The following NFX1 variants were observed in gnomAD, a reference collection of about 807,000 sequenced individuals.
NFX1 encodes the protein transcriptional repressor NF-X1.
In NFX1, 69 loss-of-function variants were observed where a neutral mutation model predicts 137.2. The ratio of observed to expected loss-of-function variants is 0.50; its 90% CI spans 0.41 to 0.61. The LOEUF (loss-of-function observed/expected upper bound fraction) is 0.61. NFX1 is among the 20% of genes least tolerant of loss of function. The probability of loss-of-function intolerance (pLI) is 0.00; values close to 1 mark genes in which losing one functional copy is unlikely to be tolerated. For synonymous variants in NFX1, 495 were observed against 474.1 expected, an observed-to-expected ratio of 1.04 and a Z score of -0.57; for missense variants, 1,167 against 1,391.0, an observed-to-expected ratio of 0.84 and a Z score of 2.56.
intron 7 of NFX1, among the ~76,000 whole-genome samples, chr9:33,318,001 A>AAC (rs397765712): frequency 6.7e-6 from 1 of 149,658 alleles, no homozygotes; most frequent in East Asian, 1.9e-4. Flanking sequence ...AAAAAAAAAA[A>AAC]TCTTCATTAT....
intron 12 of NFX1, among the ~76,000 whole-genome samples, chr9:33,341,094 A>T (rs745582055): frequency 1.3e-5 from 2 of 152,156 alleles, no homozygotes; most frequent in Non-Finnish European, 2.9e-5. Context: ...TGCTGGTACC[A>T]GTTTACTGTA....
rs1823322623 is a variant in NFX1, at chr9:33,344,053, C to T, written c.2225-16C>T. On this transcript the variant is annotated splice_polypyrimidine_tract_variant and intron_variant, in intron 13 of 23. Transcript: ENST00000379540. ...ACTCAGAAAGGATTCTTTTGTTTTACCTGCTGCTCCACCAGGTTTTGATGA... is the reference window on the plus strand; with the variant it reads ...ACTCAGAAAGGATTCTTTTGTTTTATCTGCTGCTCCACCAGGTTTTGATGA... The T allele has an allele frequency of 1.9e-6, 3 of 1,613,550 alleles. No individual in the cohort carries two copies. Among genetic ancestry groups the T allele is most frequent in the Non-Finnish European group, 2.5e-6 (3 of 1,179,662 alleles).
Position 33,290,560 on chromosome 9 carries a change from TC to T in NFX1, c.-12del. ...CTTGGCTGTACAGCTCGATCTAGGT[TC>T]TGCGGCACGGGATGGCGGAGGCGCC... On this transcript the variant is annotated 5_prime_UTR_variant, in exon 1 of 24. Transcript: ENST00000379540. 1 of 1,614,064 alleles carries T rather than the reference TC, an allele frequency of 6.2e-7. No individual in the cohort carries two copies. Among genetic ancestry groups the T allele is most frequent in the African/African-American group, 1.3e-5 (1 of 75,054 alleles).
chr9:33,296,160 C>CG (rs1821347429), intron 2 of NFX1, among the ~76,000 whole-genome samples: 1 of 152,130 alleles, frequency 6.6e-6, no homozygotes, highest in Non-Finnish European at 1.5e-5. Flanking sequence ...CTTCTGACCT[C>CG]GGGTGATCCG....
At chr9:33,297,140 GC>G (rs1266128330) in intron 2 of NFX1, among the ~76,000 whole-genome samples, 2 of 152,208 alleles carry the variant, frequency 1.3e-5, no homozygotes, top group African/African-American at 2.4e-5. Context: ...CTGCAAATCA[GC>G]TTTTTGCAGT....
rs201191593 is a variant in NFX1 at position 33,313,665 on chromosome 9, G to A, written c.1460G>A (p.Arg487His). The A allele has an allele frequency of 1.5e-5, 25 of 1,613,878 alleles. No homozygotes were observed. Among genetic ancestry groups the A allele is most frequent in the East Asian group, 4.5e-5 (2 of 44,882 alleles). ...TATTGTCTTTACAGGCACACAGTTC[G>A]CTGTGGTCAGGCTGTCTCAGTCCAC... ...CECGRTRHTVRCGQAVSVHCS... is the reference protein window; with the variant it reads ...CECGRTRHTVHCGQAVSVHCS... The change falls in exon 7 of 24, where the codon CGC (arginine) becomes CAC (histidine). Residue 487 changes from arginine (R) to histidine (H), a missense_variant. Around this residue, in one of 3 missense-constraint regions of NFX1, gnomAD observed 488 missense variants for 691.5 expected, o/e 0.71. Transcript: ENST00000379540.
At chr9:33,329,231 G>T (rs1822709203) in intron 10 of NFX1, among the ~76,000 whole-genome samples, 2 of 152,210 alleles carry the variant, frequency 1.3e-5, no homozygotes, top group Non-Finnish European at 2.9e-5. Flanking sequence ...CTCCGCTTCA[G>T]TGTGTGCCAG....
intron 19 of NFX1, among the ~76,000 whole-genome samples, chr9:33,356,481 CT>C (rs776786393): frequency 2.6e-5 from 4 of 151,750 alleles, no homozygotes; most frequent in Non-Finnish European, 5.9e-5. Flanking sequence ...CTCTTGTTGT[CT>C]TTTGATAAAC....
At chr9:33,346,710 G>T (rs1381640932) in intron 14 of NFX1, among the ~76,000 whole-genome samples, 1 of 152,160 alleles carries the variant, frequency 6.6e-6, no homozygotes, top group Non-Finnish European at 1.5e-5. Context: ...GAGCAGTTGC[G>T]GTTAAAGTAG....
chr9:33,311,772 T>G (rs1259586288), intron 6 of NFX1, among the ~76,000 whole-genome samples: 2 of 152,176 alleles, frequency 1.3e-5, no homozygotes, highest in African/African-American at 2.4e-5. Context: ...AGGCTGGTCT[T>G]GAACTATTGA....
chr9:33,328,513 G>A, intron 9 of NFX1, 68 bp from the exon 10 acceptor site: 1 of 1,202,704 alleles, frequency 8.3e-7, no homozygotes, highest in Non-Finnish European at 1.2e-6. Context: ...AGTGTGGCTA[G>A]CAAATTTGGG....
At chr9:33,324,310 C>T (rs937313147) in intron 9 of NFX1, among the ~76,000 whole-genome samples, 1 of 151,996 alleles carries the variant, frequency 6.6e-6, no homozygotes, top group South Asian at 2.1e-4. Context: ...ACCCAGTAGG[C>T]GGAGGTTGCA....
At chr9:33,307,433 T>A in intron 5 of NFX1, 134 bp downstream of exon 5, 1 of 706,858 alleles carries the variant, frequency 1.4e-6, no homozygotes, top group Non-Finnish European at 2.5e-6. Context: ...TGGTCTCAAA[T>A]CACCCTGTGC....
intron 17 of NFX1, among the ~76,000 whole-genome samples, chr9:33,353,879 G>A (rs1373757569): frequency 5.3e-5 from 8 of 151,854 alleles, no homozygotes; most frequent in Non-Finnish European, 1.2e-4. Flanking sequence ...TAGTAGAGAC[G>A]GGGTTTCACC....
At chr9:33,324,881 A>G (rs1476884485) in intron 9 of NFX1, among the ~76,000 whole-genome samples, 1 of 150,820 alleles carries the variant, frequency 6.6e-6, no homozygotes, top group African/African-American at 2.4e-5. Context: ...GTGAGCTGAG[A>G]TTGTGCCACT....
At chr9:33,354,936 T>C in intron 19 of NFX1, 44 bp downstream of exon 19, 1 of 1,599,342 alleles carries the variant, frequency 6.3e-7, no homozygotes, top group Non-Finnish European at 8.6e-7. Flanking sequence ...GCCCTTGAGC[T>C]CTGTGAAATT....
rs57459026 is a variant in NFX1 at position 33,335,227 on chromosome 9, CT to C, written c.2035+2745del. Among the ~76,000 whole-genome samples the C allele has an allele frequency of 1.2e-3, 154 of 130,504 alleles. 3 individuals are homozygous for C. The highest frequency in any genetic ancestry group is 3.9e-3 in the Middle Eastern group (1 of 256). The allele number at this position is 130,504 out of a possible 152,430, so 85.6% of individuals were successfully genotyped here. ...TCTTCTCTATTTTATCTTTCTTTTT[CT>C]TTTTTTTTTTTTTTTTTTTGAGACG... On this transcript the variant is annotated intron_variant, in intron 11 of 23. Transcript: ENST00000379540.
At chr9:33,348,828 C>T (rs1564140398) in intron 15 of NFX1, 4 of 968,304 alleles carry the variant, frequency 4.1e-6, no homozygotes, top group Non-Finnish European at 4.9e-6. Flanking sequence ...ACACATTTTT[C>T]CTTGCTGTGG....
At chr9:33,343,922 A>G (rs1363069283) in intron 13 of NFX1, 147 bp from the exon 14 acceptor site, 3 of 990,676 alleles carry the variant, frequency 3.0e-6, no homozygotes, top group Admixed American at 2.5e-5. Context: ...GTTTAATAAA[A>G]TAAAAACCTC....
Sources: allele counts gnomAD v4.1 joint callset (sites outside exome capture counted in the v4.1 genomes callset), GRCh38; gene constraint gnomAD v4.1.1; regional missense constraint gnomAD v4.1.1; transcripts MANE v1.5; gene names NCBI Gene and HGNC (gene_info 2026-07-23, HGNC 2026-07-21).